Variants in DGKI observed in about 807,000 individuals in gnomAD.
DGKI encodes diacylglycerol kinase iota.
DGKI carries 55 observed loss-of-function variants against 147.5 expected under a neutral mutation model. That is an observed-to-expected ratio of 0.37 (90% CI 0.30 to 0.47). The LOEUF (loss-of-function observed/expected upper bound fraction) is 0.47, where lower values mean the gene tolerates loss of function less well. Ranked by LOEUF, DGKI falls within the 20% of genes least tolerant of loss-of-function variation. The pLI is 1.00. For missense variants in DGKI, 1,007 were observed against 1,323.8 expected, an observed-to-expected ratio of 0.76 and a Z score of 3.71; for synonymous variants, 469 against 477.1, an observed-to-expected ratio of 0.98 and a Z score of 0.22.
chr7:137,458,969 T>C (rs975829786), intron 27 of DGKI, among the ~76,000 whole-genome samples: 4 of 152,098 alleles, frequency 2.6e-5, no homozygotes, highest in African/African-American at 9.7e-5. Flanking sequence ...CATTTCAAAA[T>C]TGGTTCTTAA....
chr7:137,600,353 A>C (rs1338488060), intron 10 of DGKI, among the ~76,000 whole-genome samples: 1 of 152,218 alleles, frequency 6.6e-6, no homozygotes, highest in Admixed American at 6.5e-5. Flanking sequence ...TTGGTCATGG[A>C]TAGCCATAGG....
At chr7:137,424,438 C>A (rs1411652242) in intron 28 of DGKI, among the ~76,000 whole-genome samples, 1 of 152,152 alleles carries the variant, frequency 6.6e-6, no homozygotes, top group Non-Finnish European at 1.5e-5. Flanking sequence ...CAGCTCCGGT[C>A]TACAGCTCCC....
intron 23 of DGKI, among the ~76,000 whole-genome samples, chr7:137,483,416 C>T (rs1745729378): frequency 6.6e-6 from 1 of 152,008 alleles, no homozygotes; most frequent in Non-Finnish European, 1.5e-5. Context: ...TCAGCTCTTA[C>T]CTTTAAAAGG....
At chr7:137,717,126 G>A (rs1272928019) in intron 1 of DGKI, among the ~76,000 whole-genome samples, 1 of 152,190 alleles carries the variant, frequency 6.6e-6, no homozygotes, top group Non-Finnish European at 1.5e-5. Context: ...CACATAGAAG[G>A]TGGCCAATAG....
At position 137,431,679 on chromosome 7, in the gene DGKI, T is replaced by C. The variant is rs73459156; in HGVS notation, c.2761+12398A>G. Among the ~76,000 whole-genome samples, 1,416 of 152,284 alleles carry C rather than the reference T, an allele frequency of 9.3e-3. 13 individuals carry two copies. The highest frequency in any genetic ancestry group is 0.033 in the African/African-American group (1,354 of 41,556). ...ATTTAAAGGTGGTGTTTTTAATTTT[T>C]CCTCCTGTGTTTCATTGCTTAGTGT... On this transcript the variant is annotated intron_variant, in intron 28 of 32. Transcript: ENST00000614521.
chr7:137,684,547 T>C lies in DGKI; in HGVS notation c.510+5347A>G, dbSNP rs968837537. The stretch of plus-strand genomic sequence containing the variant: ...GACCGAGACACTTCTCACAGGTCTG[T>C]GAAGTTACAGAATTCCATGATTTCC... On this transcript the variant is annotated intron_variant, in intron 2 of 32. Coordinates refer to ENST00000614521, the MANE Select transcript of DGKI (RefSeq NM_001321708.2). Among the ~76,000 whole-genome samples the C allele has an allele frequency of 5.3e-5, 8 of 152,298 alleles. No homozygotes were observed. The South Asian group carries it at 1.5e-3, about 28-fold the overall frequency.
At chr7:137,611,377 C>T (rs1277530489) in intron 8 of DGKI, among the ~76,000 whole-genome samples, 1 of 152,168 alleles carries the variant, frequency 6.6e-6, no homozygotes, top group East Asian at 1.9e-4. Context: ...ATTCTTTCAT[C>T]TGTTTGGGGT....
chr7:137,807,120 A>G (rs1248529935), intron 1 of DGKI, among the ~76,000 whole-genome samples: 1 of 152,168 alleles, frequency 6.6e-6, no homozygotes, highest in African/African-American at 2.4e-5. Flanking sequence ...AGTTTATTTT[A>G]TTTTTGCGTC....
chr7:137,559,094 C>T (rs1238555038), intron 19 of DGKI, among the ~76,000 whole-genome samples: 2 of 73,326 alleles, frequency 2.7e-5, no homozygotes, highest in Admixed American at 2.3e-4. Flanking sequence ...TTTTTTGAGA[C>T]GGAGTCTCGC....
intron 27 of DGKI, chr7:137,453,208 A>G (rs1404557450): frequency 1.3e-5 from 2 of 152,224 alleles, no homozygotes; most frequent in Non-Finnish European, 2.9e-5. Flanking sequence ...CTGTGAAAGC[A>G]TGGCTGCAGA....
chr7:137,466,129 T>A, intron 25 of DGKI, 94 bp from the exon 26 acceptor site: 1 of 1,446,492 alleles, frequency 6.9e-7, no homozygotes, highest in Non-Finnish European at 9.5e-7. Flanking sequence ...TGTCAAAGGA[T>A]CACACTGTGT....
chr7:137,680,210 G>A (rs1420862803), intron 2 of DGKI, among the ~76,000 whole-genome samples: 1 of 152,116 alleles, frequency 6.6e-6, no homozygotes, highest in South Asian at 2.1e-4. Flanking sequence ...GTCTGCAAGT[G>A]AGGAAGAGGA....
rs148396198 is a variant in DGKI, at chr7:137,423,964, C to A, written c.2762-11757G>T. Among the ~76,000 whole-genome samples, 535 of 152,242 alleles carry A rather than the reference C, an allele frequency of 3.5e-3. 2 individuals carry two copies. Among genetic ancestry groups the A allele is most frequent in the African/African-American group, 0.012 (511 of 41,538 alleles). On this transcript the variant is annotated intron_variant, in intron 28 of 32. Coordinates refer to ENST00000614521, the MANE Select transcript of DGKI (RefSeq NM_001321708.2). ...ACTTGCCGTGGTGGTTTGCTGCACC[C>A]ACCAACCCATCATCTACTTTAGGTA...
chr7:137,823,658 C>G (rs541864120), intron 1 of DGKI, among the ~76,000 whole-genome samples: 26 of 152,226 alleles, frequency 1.7e-4, no homozygotes, highest in African/African-American at 6.3e-4. Context: ...TCAGAGGATC[C>G]GCCTGAGGAA....
intron 1 of DGKI, among the ~76,000 whole-genome samples, chr7:137,806,936 A>T (rs545669057): frequency 6.6e-6 from 1 of 152,178 alleles, no homozygotes; most frequent in East Asian, 1.9e-4. Context: ...AAGACCAGGG[A>T]AAGGGCAAGA....
At chr7:137,635,337 C>T (rs1161524220) in intron 6 of DGKI, among the ~76,000 whole-genome samples, 1 of 152,184 alleles carries the variant, frequency 6.6e-6, no homozygotes, top group Non-Finnish European at 1.5e-5. Flanking sequence ...TGCATCATCC[C>T]TCAGAGAGAA....
intron 3 of DGKI, among the ~76,000 whole-genome samples, chr7:137,674,400 G>A (rs1034210401): frequency 2.6e-5 from 4 of 152,060 alleles, no homozygotes; most frequent in South Asian, 2.1e-4. Context: ...AGGAGGTCCC[G>A]GCTTTGCAGG....
rs201577977 is a variant in DGKI at position 137,517,241 on chromosome 7, GAAAGAAAAGAA to G, written c.2248+4614_2248+4624del. On this transcript the variant is annotated intron_variant, in intron 21 of 32. Transcript: ENST00000614521. ...AAGAAAAGAAAAAGAAAGAAAGAAA[GAAAGAAAAGAA>G]AAAGAAAGAAAGAAAGAAAGAAAAG... Among the ~76,000 whole-genome samples the G allele has an allele frequency of 4.9e-3, 490 of 99,862 alleles. 7 individuals are homozygous for G. Among genetic ancestry groups the G allele is most frequent in the African/African-American group, 0.022 (439 of 20,324 alleles). 65.5% of individuals were successfully genotyped at this position (99,862 alleles called of 152,430 possible).
intron 1 of DGKI, among the ~76,000 whole-genome samples, chr7:137,725,711 C>T (rs1227243597): frequency 6.6e-6 from 1 of 152,042 alleles, no homozygotes; most frequent in East Asian, 1.9e-4. Context: ...CCATTCTTTT[C>T]CTGTACCTTT....
Sources: allele counts gnomAD v4.1 joint callset (sites outside exome capture counted in the v4.1 genomes callset), GRCh38; gene constraint gnomAD v4.1.1; transcripts MANE v1.5; gene names NCBI Gene and HGNC (gene_info 2026-07-23, HGNC 2026-07-21).